Variants in CALN1 observed in about 807,000 individuals in gnomAD.
The protein encoded by CALN1 is calneuron 1, also known as calcium-binding protein 8.
CALN1 carries 17 observed loss-of-function variants against 30.6 expected under a neutral mutation model. The ratio of observed to expected loss-of-function variants is 0.56; its 90% confidence interval spans 0.38 to 0.83. The LOEUF (loss-of-function observed/expected upper bound fraction) is 0.83. CALN1 is among the 40% of genes least tolerant of loss of function. CALN1 has a pLI of 0.00. For synonymous variants in CALN1, 156 were observed against 131.4 expected (o/e 1.19, Z -1.28); for missense variants, 291 against 354.9 (o/e 0.82, Z 1.45).
At chr7:72,382,138 C>A (rs1406010174) in intron 2 of CALN1, among the ~76,000 whole-genome samples, 1 of 152,174 alleles carries the variant, frequency 6.6e-6, no homozygotes, top group Non-Finnish European at 1.5e-5. Context: ...GGAATCAAAG[C>A]TGCAAGTGTT....
At chr7:72,207,376 T>A (rs750712332) in intron 3 of CALN1, among the ~76,000 whole-genome samples, 2 of 152,164 alleles carry the variant, frequency 1.3e-5, no homozygotes, top group Non-Finnish European at 2.9e-5. Flanking sequence ...AACACCCTCA[T>A]TGGCCAACTC....
intron 4 of CALN1, among the ~76,000 whole-genome samples, chr7:72,079,816 G>A (rs568573685): frequency 7.1e-6 from 1 of 140,200 alleles, no homozygotes; most frequent in South Asian, 2.3e-4. Context: ...CGTCGCCCAG[G>A]CTGGAGTGCT....
At chr7:72,288,100 A>AAG (rs551966199) in intron 2 of CALN1, among the ~76,000 whole-genome samples, 5 of 152,134 alleles carry the variant, frequency 3.3e-5, no homozygotes, top group Non-Finnish European at 7.4e-5. Flanking sequence ...GTTCTGGCTC[A>AAG]AGGAGTCTCC....
intron 5 of CALN1, among the ~76,000 whole-genome samples, chr7:71,935,681 C>T (rs529313756): frequency 1.3e-5 from 2 of 152,246 alleles, no homozygotes; most frequent in African/African-American, 4.8e-5. Context: ...GAGATCGCAC[C>T]CTTGCACTCC....
chr7:72,260,545 G>C (rs1585292016), intron 3 of CALN1, among the ~76,000 whole-genome samples: 2 of 152,276 alleles, frequency 1.3e-5, no homozygotes, highest in African/African-American at 4.8e-5. Flanking sequence ...TCAAAATCTG[G>C]CAAGAGGCTT....
At chr7:72,356,961 G>GTT (rs1015987075) in intron 2 of CALN1, among the ~76,000 whole-genome samples, 4 of 151,752 alleles carry the variant, frequency 2.6e-5, no homozygotes, top group African/African-American at 9.7e-5. Flanking sequence ...TTTTGCTTTG[G>GTT]TTTTGTTTTG....
intron 3 of CALN1, among the ~76,000 whole-genome samples, chr7:72,165,720 A>G (rs1486862939): frequency 6.6e-6 from 1 of 152,082 alleles, no homozygotes; most frequent in Non-Finnish European, 1.5e-5. Context: ...AATTGCCCAG[A>G]AATAAATAAA....
chr7:71,907,289 G>A (rs879696403), intron 5 of CALN1, among the ~76,000 whole-genome samples: 11 of 148,824 alleles, frequency 7.4e-5, no homozygotes, highest in Non-Finnish European at 1.5e-4. Flanking sequence ...GGCTTGATGT[G>A]TTCCATCGCA....
chr7:72,454,369 A>G, the CALN1 span, among the ~76,000 whole-genome samples: 1 of 152,184 alleles, frequency 6.6e-6, no homozygotes, highest in Non-Finnish European at 1.5e-5. Context: ...CACCCACCAG[A>G]CACAGAGAGA....
chr7:71,988,922 G>A (rs1798812543), intron 5 of CALN1, among the ~76,000 whole-genome samples: 1 of 152,114 alleles, frequency 6.6e-6, no homozygotes, highest in African/African-American at 2.4e-5. Flanking sequence ...GGCTCAGAGG[G>A]GCACAATAAC....
At chr7:71,950,627 C>T (rs979537464) in intron 5 of CALN1, among the ~76,000 whole-genome samples, 4 of 152,256 alleles carry the variant, frequency 2.6e-5, no homozygotes, top group South Asian at 2.1e-4. Flanking sequence ...CTAACACCCC[C>T]GATCCACAGA....
At chr7:72,173,025 A>G (rs1249252714) in intron 3 of CALN1, among the ~76,000 whole-genome samples, 2 of 152,170 alleles carry the variant, frequency 1.3e-5, no homozygotes, top group Admixed American at 1.3e-4. Flanking sequence ...AAGTAAAATG[A>G]TCTCTTATTT....
At chr7:72,219,940 T>C (rs1232641027) in intron 3 of CALN1, among the ~76,000 whole-genome samples, 4 of 151,724 alleles carry the variant, frequency 2.6e-5, no homozygotes, top group Non-Finnish European at 5.9e-5. Flanking sequence ...ATTAGCCTCC[T>C]ATAAAAAAAA....
intron 5 of CALN1, among the ~76,000 whole-genome samples, chr7:71,935,133 ATG>A: frequency 6.6e-6 from 1 of 152,230 alleles, no homozygotes; most frequent in East Asian, 1.9e-4. Context: ...ACTGGTGTAG[ATG>A]TTGTTGTCTA....
chr7:72,218,689 G>C (rs1245593261), intron 3 of CALN1, among the ~76,000 whole-genome samples: 3 of 152,180 alleles, frequency 2.0e-5, no homozygotes, highest in Non-Finnish European at 4.4e-5. Flanking sequence ...TCAAAGAAGA[G>C]AAAACCATTA....
At chr7:72,010,879 G>A (rs1233453041) in intron 5 of CALN1, among the ~76,000 whole-genome samples, 1 of 151,720 alleles carries the variant, frequency 6.6e-6, no homozygotes, top group Non-Finnish European at 1.5e-5. Flanking sequence ...AATTAGCCAG[G>A]CGTGGTGGCT....
chr7:72,057,698 A>G (rs1041053820), intron 4 of CALN1, among the ~76,000 whole-genome samples: 2 of 150,728 alleles, frequency 1.3e-5, no homozygotes, highest in Non-Finnish European at 2.9e-5. Context: ...TCTTTACAAT[A>G]ATGAGTGTAG....
chr7:71,914,401 G>T (rs1019823264), intron 5 of CALN1, among the ~76,000 whole-genome samples: 1 of 152,208 alleles, frequency 6.6e-6, no homozygotes, highest in African/African-American at 2.4e-5. Flanking sequence ...TTTCATGGCT[G>T]CATAGTATTC....
Position 72,247,959 on chromosome 7 carries a change from T to C in CALN1, c.244+30727A>G, listed in dbSNP as rs189304116. ...TTGCAGTGAGCTACAATCACACTAC[T>C]GCACTCCAGCCTGAGCAACACAGTG... On this transcript the variant is annotated intron_variant, in intron 3 of 6. Transcript: ENST00000395275. Among the ~76,000 whole-genome samples the C allele has an allele frequency of 2.0e-3, 301 of 152,144 alleles. 1 individual carries two copies. Among genetic ancestry groups the C allele is most frequent in the African/African-American group, 6.4e-3 (267 of 41,544 alleles).
Sources: allele counts gnomAD v4.1 joint callset (sites outside exome capture counted in the v4.1 genomes callset), GRCh38; gene constraint gnomAD v4.1.1; transcripts MANE v1.5; gene names NCBI Gene and HGNC (gene_info 2026-07-23, HGNC 2026-07-21).